Variants in CNKSR3 observed in about 807,000 individuals in gnomAD.
CNKSR3 encodes connector enhancer of kinase suppressor of ras 3.
A neutral mutation model predicts 67.7 loss-of-function variants in CNKSR3; 36 were observed. The observed-to-expected ratio is 0.53, with a 90% CI of 0.41 to 0.70. The LOEUF is 0.70. Among genes scored for constraint, CNKSR3 ranks in the 30% least tolerant of loss-of-function variants. The pLI is 0.00. For synonymous variants in CNKSR3, 281 were observed against 271.4 expected (o/e 1.04, Z -0.35); for missense variants, 630 against 695.2 (o/e 0.91, Z 1.05).
intron 1 of CNKSR3, among the ~76,000 whole-genome samples, chr6:154,504,890 T>G (rs1462374539): frequency 1.3e-5 from 2 of 149,006 alleles, no homozygotes; most frequent in African/African-American, 5.1e-5. Flanking sequence ...AGAGCCTAAA[T>G]AAACACTTAG....
At chr6:154,478,051 A>C (rs1405289463) in intron 1 of CNKSR3, among the ~76,000 whole-genome samples, 1 of 152,186 alleles carries the variant, frequency 6.6e-6, no homozygotes, top group Non-Finnish European at 1.5e-5. Context: ...TGCTTGGAAG[A>C]AGGCTAAGGC....
In CNKSR3 at chr6:154,463,968, C is replaced by T. The variant is rs189984567; in HGVS notation, c.53-13710G>A. Among the ~76,000 whole-genome samples the T allele has an allele frequency of 8.5e-5, 13 of 152,300 alleles. No individual in the cohort carries two copies. In the East Asian group the frequency reaches 2.3e-3, roughly 27 times the overall value. On this transcript the variant is annotated intron_variant, in intron 1 of 12. Coordinates refer to ENST00000607772, the MANE Select transcript of CNKSR3 (RefSeq NM_173515.4). ...CAAACCCCCGATAGCAGAAAGTCCT[C>T]TAATAGCAAAGCCAGCTCCCATCAA...
At chr6:154,418,422 T>G (rs983470016) in intron 9 of CNKSR3, among the ~76,000 whole-genome samples, 3 of 152,192 alleles carry the variant, frequency 2.0e-5, no homozygotes, top group African/African-American at 7.2e-5. Context: ...CTATCTATGT[T>G]TTGTGGGCGA....
At chr6:154,413,720 C>T (rs12197069) in intron 10 of CNKSR3, among the ~76,000 whole-genome samples, 8,084 of 152,084 alleles carry the variant, frequency 0.053, 325 homozygotes, top group Non-Finnish European at 0.074. Context: ...CGTTTTCATT[C>T]GTTTTTCAAA....
chr6:154,423,459 T>C (rs766682486), intron 7 of CNKSR3, among the ~76,000 whole-genome samples: 1 of 152,164 alleles, frequency 6.6e-6, no homozygotes, highest in Non-Finnish European at 1.5e-5. Context: ...GGTTTTACCA[T>C]GTTGGCCAGG....
At chr6:154,408,031 T>G (rs1013719317) in intron 12 of CNKSR3, among the ~76,000 whole-genome samples, 2 of 152,154 alleles carry the variant, frequency 1.3e-5, no homozygotes, top group Non-Finnish European at 2.9e-5. Flanking sequence ...TATTTACTTC[T>G]CCCCTTTTTT....
At position 154,406,348 on chromosome 6, in the gene CNKSR3, TCC is replaced by T; in HGVS notation, c.*4_*5del. 6.2e-7 allele frequency: 1 copy of T among 1,604,540 alleles called. No individual in the cohort carries two copies. Among genetic ancestry groups the T allele is most frequent in the Non-Finnish European group, 8.5e-7 (1 of 1,175,806 alleles). On this transcript the variant is annotated 3_prime_UTR_variant, in exon 13 of 13. Coordinates refer to ENST00000607772, the MANE Select transcript of CNKSR3 (RefSeq NM_173515.4). ...AGCCAGGCAGGTGGCCTGAGCAGGGTCCCTCTCAGTGAGTCAACAGTTTGAGG... is the reference window on the plus strand; with the variant it reads ...AGCCAGGCAGGTGGCCTGAGCAGGGTCTCTCAGTGAGTCAACAGTTTGAGG...
chr6:154,463,387 T>C (rs1266493631), intron 1 of CNKSR3, among the ~76,000 whole-genome samples: 1 of 152,136 alleles, frequency 6.6e-6, no homozygotes, highest in Non-Finnish European at 1.5e-5. Context: ...CTTTCTTTCA[T>C]ATATACATCA....
chr6:154,504,466 C>T (rs1292267706), intron 1 of CNKSR3, among the ~76,000 whole-genome samples: 5 of 152,154 alleles, frequency 3.3e-5, no homozygotes, highest in Non-Finnish European at 7.4e-5. Context: ...GGAGAGCTTA[C>T]ATAAGATCAC....
intron 5 of CNKSR3, among the ~76,000 whole-genome samples, chr6:154,431,032 A>G (rs1785356948): frequency 6.6e-6 from 1 of 152,146 alleles, no homozygotes; most frequent in African/African-American, 2.4e-5. Context: ...ACGTTTATAA[A>G]AAAAAAAAAT....
At chr6:154,441,746 C>A (rs1572659) in intron 3 of CNKSR3, among the ~76,000 whole-genome samples, 66,455 of 146,782 alleles carry the variant, frequency 0.45, 15,932 homozygotes, top group African/African-American at 0.64. Flanking sequence ...AGATTAAAAA[C>A]AAAACAAAAC....
At position 154,463,341 on chromosome 6, in the gene CNKSR3, A is replaced by G. The variant is rs903796698; in HGVS notation, c.53-13083T>C. Among the ~76,000 whole-genome samples, 5 of 151,862 alleles carry G rather than the reference A, an allele frequency of 3.3e-5. No homozygotes were observed. The East Asian group carries it at 9.7e-4, about 29-fold the overall frequency. ...GCCCGCCTCGGCCTCCCAAAGTGCTAGGATTACAGGCGTGAGCCACCGCGC... is the reference window on the plus strand; with the variant it reads ...GCCCGCCTCGGCCTCCCAAAGTGCTGGGATTACAGGCGTGAGCCACCGCGC... On this transcript the variant is annotated intron_variant, in intron 1 of 12. Coordinates refer to ENST00000607772, the MANE Select transcript of CNKSR3 (RefSeq NM_173515.4).
At chr6:154,420,039 G>A (rs1254502861) in intron 9 of CNKSR3, among the ~76,000 whole-genome samples, 3 of 151,992 alleles carry the variant, frequency 2.0e-5, no homozygotes, top group South Asian at 2.1e-4. Flanking sequence ...CCAAGATCAC[G>A]GCACTGCACT....
chr6:154,403,183 T>A lies in CNKSR3; in HGVS notation c.*3171A>T, dbSNP rs1301483404. ...GGGAGAGTTTTAACAATCACTCTTG[T>A]AAAGTATCCTGTCAAGGAGTTCAAG... On this transcript the variant is annotated 3_prime_UTR_variant, in exon 13 of 13. Transcript: ENST00000607772. 6.6e-6 allele frequency: 1 copy of A among 152,022 alleles called. No individual in the cohort carries two copies. Among genetic ancestry groups the A allele is most frequent in the Non-Finnish European group, 1.5e-5 (1 of 68,004 alleles). The allele number at this position is 152,022 out of a possible 1,614,324, so 9.4% of individuals were successfully genotyped here. A position where few individuals can be genotyped will look rare whatever the true frequency, so the allele number is the denominator to read the frequency against.
intron 1 of CNKSR3, among the ~76,000 whole-genome samples, chr6:154,480,728 C>T (rs914117573): frequency 6.6e-6 from 1 of 152,150 alleles, no homozygotes; most frequent in East Asian, 1.9e-4. Flanking sequence ...CGTTCTTGAC[C>T]TCCTTATAAT....
chr6:154,398,387 C>T lies in CNKSR3; in HGVS notation c.*7967G>A, dbSNP rs1289171838. ...TGCTGAGCCGAACAACCATTTTTTACTTCCCTTTGTCTCTCCCATAGCTTC... is the reference window on the plus strand; with the variant it reads ...TGCTGAGCCGAACAACCATTTTTTATTTCCCTTTGTCTCTCCCATAGCTTC... On this transcript the variant is annotated 3_prime_UTR_variant, in exon 13 of 13. Coordinates refer to ENST00000607772, the MANE Select transcript of CNKSR3 (RefSeq NM_173515.4). 2 of 152,202 alleles carry T rather than the reference C, an allele frequency of 1.3e-5. No homozygotes were observed. The highest frequency in any genetic ancestry group is 1.3e-4 in the Admixed American group (2 of 15,286). 9.4% of individuals were successfully genotyped at this position (152,202 alleles called of 1,614,324 possible). A position where few individuals can be genotyped will look rare whatever the true frequency, so the allele number is the denominator to read the frequency against.
At chr6:154,418,758 G>T (rs1295744682) in intron 9 of CNKSR3, among the ~76,000 whole-genome samples, 1 of 152,168 alleles carries the variant, frequency 6.6e-6, no homozygotes, top group Non-Finnish European at 1.5e-5. Flanking sequence ...TATGGGCAAT[G>T]ATCTTTTGGC....
Position 154,410,352 on chromosome 6 carries a change from C to T in CNKSR3, c.1360G>A (p.Gly454Ser), listed in dbSNP as rs766371759. 1.2e-6 allele frequency: 2 copies of T among 1,613,614 alleles called. No homozygotes were observed. The highest frequency in any genetic ancestry group is 1.7e-6 in the Non-Finnish European group (2 of 1,179,548). ...CTTGGATGAAACGTACCTTTCCTGC[C>T]ATGACCTCGAGGTCTGGCAAAAGGG... ...VDPFARPRGH[G>S]RKGEDALCRY... The change falls in exon 12 of 13, where the codon GGC becomes AGC. Residue 454 changes from glycine (G) to serine (S), a missense_variant. This residue lies in a region of CNKSR3 where 308 missense variants were observed against 299.6 expected (regional missense o/e 1.03). Coordinates refer to ENST00000607772, the MANE Select transcript of CNKSR3 (RefSeq NM_173515.4).
At chr6:154,418,742 C>A (rs1472842964) in intron 9 of CNKSR3, among the ~76,000 whole-genome samples, 1 of 152,118 alleles carries the variant, frequency 6.6e-6, no homozygotes, top group Non-Finnish European at 1.5e-5. Context: ...AATCAATAGG[C>A]TCAGTTATGG....
Sources: allele counts gnomAD v4.1 joint callset (sites outside exome capture counted in the v4.1 genomes callset), GRCh38; gene constraint gnomAD v4.1.1; regional missense constraint gnomAD v4.1.1; transcripts MANE v1.5; gene names NCBI Gene and HGNC (gene_info 2026-07-23, HGNC 2026-07-21).